The following KCNK9 variants were observed in gnomAD, a reference collection of about 807,000 sequenced individuals.
The protein encoded by KCNK9 is potassium two pore domain channel subfamily K member 9.
In KCNK9, 1 loss-of-function variant was observed where a neutral mutation model predicts 10.8. The ratio of observed to expected loss-of-function variants is 0.09; its 90% CI spans 0.03 to 0.44. The LOEUF (loss-of-function observed/expected upper bound fraction) is 0.44. Ranked by LOEUF, KCNK9 falls within the 20% of genes least tolerant of loss-of-function variation. KCNK9 has a pLI of 0.97. For missense variants in KCNK9, 303 were observed against 515.0 expected (o/e 0.59, Z 3.98); for synonymous variants, 231 against 222.7 (o/e 1.04, Z -0.33).
At chr8:139,688,865 C>A (rs1053360745) in intron 1 of KCNK9, among the ~76,000 whole-genome samples, 2 of 152,166 alleles carry the variant, frequency 1.3e-5, no homozygotes, top group Admixed American at 6.5e-5. Context: ...TCCCTGATCT[C>A]GCTTAATCCT....
At chr8:139,699,324 C>T (rs922498498) in intron 1 of KCNK9, among the ~76,000 whole-genome samples, 2 of 152,122 alleles carry the variant, frequency 1.3e-5, no homozygotes, top group Non-Finnish European at 2.9e-5. Context: ...CCATTTGGCC[C>T]CAAGCAGGCC....
At chr8:139,653,380 G>C (rs1815924956) in intron 1 of KCNK9, among the ~76,000 whole-genome samples, 1 of 152,046 alleles carries the variant, frequency 6.6e-6, no homozygotes, top group African/African-American at 2.4e-5. Context: ...CAAAATTGAG[G>C]TCCCCTACCT....
At chr8:139,621,660 A>C (rs547531352) in intron 1 of KCNK9, among the ~76,000 whole-genome samples, 2 of 152,236 alleles carry the variant, frequency 1.3e-5, no homozygotes, top group Non-Finnish European at 2.9e-5. Flanking sequence ...GCATATCTAC[A>C]CAATAAGATT....
chr8:139,675,736 A>C (rs1816534667), intron 1 of KCNK9, among the ~76,000 whole-genome samples: 1 of 150,346 alleles, frequency 6.7e-6, no homozygotes, highest in Admixed American at 6.6e-5. Flanking sequence ...GAGCTTAGAG[A>C]GCTTATGTGT....
intron 1 of KCNK9, among the ~76,000 whole-genome samples, chr8:139,636,892 A>G (rs1586651482): frequency 6.6e-6 from 1 of 152,332 alleles, no homozygotes; most frequent in East Asian, 1.9e-4. Flanking sequence ...TGGCCATGGA[A>G]GGGTCACTCC....
intron 1 of KCNK9, among the ~76,000 whole-genome samples, chr8:139,628,015 A>G (rs186351487): frequency 1.2e-4 from 18 of 152,382 alleles, no homozygotes; most frequent in Admixed American, 1.2e-3. Flanking sequence ...ATTAGTGTCC[A>G]ATTAAACATT....
intron 1 of KCNK9, among the ~76,000 whole-genome samples, chr8:139,683,353 T>G (rs1279128720): frequency 6.6e-6 from 1 of 152,182 alleles, no homozygotes; most frequent in Non-Finnish European, 1.5e-5. Flanking sequence ...CCTCTGCTGT[T>G]CTCACTCTGA....
At chr8:139,651,797 G>T (rs995337215) in intron 1 of KCNK9, among the ~76,000 whole-genome samples, 1 of 152,102 alleles carries the variant, frequency 6.6e-6, no homozygotes, top group Non-Finnish European at 1.5e-5. Flanking sequence ...CAATATCGCC[G>T]ACACAATTAC....
Position 139,620,909 on chromosome 8 carries a change from G to C in KCNK9, c.284-1810C>G, listed in dbSNP as rs184829686. On this transcript the variant is annotated intron_variant, in intron 1 of 1. Coordinates refer to ENST00000520439, the MANE Select transcript of KCNK9 (RefSeq NM_001282534.2). ...ATAAAGAAGATTGAAAATAAAGCCT[G>C]GGGGGAGCTGTAGGGCAATATCAAA... Among the ~76,000 whole-genome samples the C allele has an allele frequency of 2.5e-3, 376 of 152,214 alleles. 2 individuals are homozygous for C. The highest frequency in any genetic ancestry group is 8.8e-3 in the African/African-American group (366 of 41,488).
intron 1 of KCNK9, among the ~76,000 whole-genome samples, chr8:139,694,468 C>T (rs7839219): frequency 0.93 from 142,009 of 152,312 alleles, 66,314 homozygotes; most frequent in East Asian, 1. Context: ...ATGAGCCAGA[C>T]GTGAGCCGCC....
chr8:139,684,659 C>G (rs1816753039), intron 1 of KCNK9, among the ~76,000 whole-genome samples: 3 of 152,114 alleles, frequency 2.0e-5, no homozygotes, highest in African/African-American at 7.2e-5. Flanking sequence ...AAACATAAAC[C>G]TTTATGCATC....
intron 1 of KCNK9, among the ~76,000 whole-genome samples, chr8:139,677,416 C>A (rs181255365): frequency 1.3e-4 from 20 of 152,228 alleles, no homozygotes; most frequent in Middle Eastern, 3.4e-3. Flanking sequence ...CTAGTCTGAC[C>A]CCAAATGCCA....
chr8:139,685,240 A>C (rs1816764534), intron 1 of KCNK9, among the ~76,000 whole-genome samples: 1 of 152,208 alleles, frequency 6.6e-6, no homozygotes, highest in African/African-American at 2.4e-5. Context: ...ACAGATAGTG[A>C]ACACTTGAAA....
At chr8:139,649,558 G>A (rs942063765) in intron 1 of KCNK9, among the ~76,000 whole-genome samples, 14 of 152,220 alleles carry the variant, frequency 9.2e-5, no homozygotes, top group East Asian at 1.9e-4. Context: ...GCCTGGATGC[G>A]GTCTTTCCAT....
At chr8:139,660,185 TTATTA>T (rs1816115696) in intron 1 of KCNK9, among the ~76,000 whole-genome samples, 1 of 152,154 alleles carries the variant, frequency 6.6e-6, no homozygotes, top group East Asian at 1.9e-4. Flanking sequence ...CTCTGGAATA[TTATTA>T]TATTAAATGG....
rs1816972060 is a variant in KCNK9, at chr8:139,693,221, A to T, written c.283+9489T>A. The stretch of plus-strand genomic sequence containing the variant: ...GACAGCCAAAGTCCATTTCACAAGT[A>T]GGCATCTCTTCCTGCCAGATGCCCT... On this transcript the variant is annotated intron_variant, in intron 1 of 1. Transcript: ENST00000520439. The surrounding 1 kb of genome is among the most constrained non-coding windows in gnomAD (Gnocchi z 4.1). Among the ~76,000 whole-genome samples, 1 of 152,128 alleles carries T rather than the reference A, an allele frequency of 6.6e-6. No individual in the cohort carries two copies. Among genetic ancestry groups the T allele is most frequent in the Non-Finnish European group, 1.5e-5 (1 of 68,020 alleles).
chr8:139,696,327 C>G (rs1363937888), intron 1 of KCNK9, among the ~76,000 whole-genome samples: 1 of 152,154 alleles, frequency 6.6e-6, no homozygotes, highest in African/African-American at 2.4e-5. Context: ...TGAGAATTCA[C>G]TGAGCAATAC....
intron 1 of KCNK9, among the ~76,000 whole-genome samples, chr8:139,681,308 G>A (rs545089636): frequency 6.6e-4 from 100 of 152,296 alleles, no homozygotes; most frequent in African/African-American, 2.2e-3. Context: ...CGAGCACACC[G>A]CCCACCGAAG....
intron 1 of KCNK9, among the ~76,000 whole-genome samples, chr8:139,632,133 C>T (rs2129636004): frequency 6.6e-6 from 1 of 152,294 alleles, no homozygotes. Flanking sequence ...AATGGGATCA[C>T]CTGGGATTTG....
Sources: gnomAD v4.1 joint callset for allele counts (sites outside exome capture counted in the v4.1 genomes callset) on GRCh38, gnomAD v4.1.1 for gene constraint, Gnocchi (gnomAD v3.1) non-coding constraint, MANE v1.5 for transcripts, NCBI Gene and HGNC (gene_info 2026-07-23, HGNC 2026-07-21) for gene names.